The following ARHGAP6 variants were observed in gnomAD, a reference collection of about 807,000 sequenced individuals.
ARHGAP6 encodes rho GTPase-activating protein 6.
Under a neutral mutation model 55.7 loss-of-function variants are expected in ARHGAP6, and 16 were observed. The observed-to-expected ratio is 0.29, with a 90% confidence interval of 0.19 to 0.44. The LOEUF (loss-of-function observed/expected upper bound fraction) is 0.44. Ranked by LOEUF, ARHGAP6 falls within the 20% of genes least tolerant of loss-of-function variation. The pLI, the probability that ARHGAP6 is intolerant of heterozygous loss-of-function variation, is 1.00. For missense variants in ARHGAP6, 698 were observed against 808.9 expected (o/e 0.86, Z 1.66); for synonymous variants, 382 against 360.9 (o/e 1.06, Z -0.66).
At position 11,618,725 on chromosome X, in the gene ARHGAP6, GTAGA is replaced by G. The variant is rs755718220; in HGVS notation, c.588+45512_588+45515del. Among the ~76,000 whole-genome samples, 16 of 112,403 alleles carry G rather than the reference GTAGA, an allele frequency of 1.4e-4. No homozygotes were observed. In the East Asian group the frequency reaches 4.2e-3, roughly 29 times the overall value. On this transcript the variant is annotated intron_variant, in intron 1 of 12. Transcript: ENST00000337414. ...GCTTCATACACAATACCATTTTCCT[GTAGA>G]TAAACAAATGGATAGTCATTACCCA...
chrX:11,536,215 T>G (rs1172975172), intron 1 of ARHGAP6, among the ~76,000 whole-genome samples: 7 of 111,505 alleles, frequency 6.3e-5, no homozygotes, highest in Non-Finnish European at 1.1e-4. Flanking sequence ...GCTTCACACA[T>G]AAGCAGCTCT....
intron 1 of ARHGAP6, among the ~76,000 whole-genome samples, chrX:11,413,373 A>G (rs1358196411): frequency 9.0e-6 from 1 of 111,311 alleles, no homozygotes; most frequent in East Asian, 2.8e-4. Flanking sequence ...AGCTGTTAAG[A>G]CGTCTTCATT....
intron 1 of ARHGAP6, among the ~76,000 whole-genome samples, chrX:11,568,756 CAAAAAAAAAA>C (rs779282032): frequency 1.8e-5 from 1 of 54,578 alleles, no homozygotes; most frequent in Admixed American, 2.0e-4. Flanking sequence ...GATACTATCT[CAAAAAAAAAA>C]AAAAAAAAGT....
intron 1 of ARHGAP6, among the ~76,000 whole-genome samples, chrX:11,441,629 C>G (rs2050039868): frequency 8.9e-6 from 1 of 111,861 alleles, no homozygotes; most frequent in African/African-American, 3.3e-5. Flanking sequence ...CCTTGGGAAG[C>G]AGCGGTAACC....
chrX:11,277,157 C>A (rs990714611), intron 1 of ARHGAP6, among the ~76,000 whole-genome samples: 1 of 111,502 alleles, frequency 9.0e-6, no homozygotes, highest in Non-Finnish European at 1.9e-5. Context: ...TGTCTGGTTT[C>A]TTTCACTTAG....
chrX:11,281,411 A>AAT (rs1385328306), intron 1 of ARHGAP6, among the ~76,000 whole-genome samples: 3 of 109,366 alleles, frequency 2.7e-5, no homozygotes, highest in Admixed American at 9.8e-5. Context: ...AATCTACCAA[A>AAT]ATATATATAT....
At chrX:11,497,554 C>T (rs868859616) in intron 1 of ARHGAP6, among the ~76,000 whole-genome samples, 1 of 23,816 alleles carries the variant, frequency 4.2e-5, no homozygotes, top group Non-Finnish European at 8.3e-5. Context: ...CTTCCCCCTC[C>T]CTCCTTCTCT....
rs931428725 is a variant in ARHGAP6 at position 11,662,248 on chromosome X, G to T, written c.588+1993C>A. On this transcript the variant is annotated intron_variant, in intron 1 of 12. Coordinates refer to ENST00000337414, the MANE Select transcript of ARHGAP6 (RefSeq NM_013427.3). ...TTTCTTGGTTTTTCAGAGGGTTCCA[G>T]GGCGTTAAACCTTTGAAAGGTAATC... Among the ~76,000 whole-genome samples the T allele has an allele frequency of 5.4e-5, 6 of 111,909 alleles. No homozygotes were observed. The East Asian group carries it at 1.7e-3, about 31-fold the overall frequency.
chrX:11,442,260 A>G (rs780600056), intron 1 of ARHGAP6, among the ~76,000 whole-genome samples: 3 of 110,808 alleles, frequency 2.7e-5, no homozygotes, highest in Non-Finnish European at 5.7e-5. Context: ...TGTCAGCCAA[A>G]AAATATGGGT....
Position 11,485,039 on chromosome X carries a change from A to AC in ARHGAP6, c.588+179201_588+179202insG, listed in dbSNP as rs201153729. 2.2e-3 allele frequency among the ~76,000 whole-genome samples: 241 copies of AC among 110,325 alleles called. 1 individual carries two copies. The highest frequency in any genetic ancestry group is 7.5e-3 in the African/African-American group (229 of 30,410). On this transcript the variant is annotated intron_variant, in intron 1 of 12. Coordinates refer to ENST00000337414, the MANE Select transcript of ARHGAP6 (RefSeq NM_013427.3). ...GGAAAACAAACAAACAACAACAACA[A>AC]AAAAAAAACATATCACTCAGGTGTC...
intron 1 of ARHGAP6, among the ~76,000 whole-genome samples, chrX:11,526,975 G>A (rs1272461174): frequency 9.2e-6 from 1 of 108,184 alleles, no homozygotes; most frequent in East Asian, 2.9e-4. Flanking sequence ...AACACTAAAG[G>A]AGAATTAGTC....
At chrX:11,497,432 G>T (rs751466752) in intron 1 of ARHGAP6, among the ~76,000 whole-genome samples, 1 of 110,683 alleles carries the variant, frequency 9.0e-6, no homozygotes. Context: ...TGAAGGCAAG[G>T]TCTTTGGAAG....
At chrX:11,473,733 A>G (rs1049571891) in intron 1 of ARHGAP6, among the ~76,000 whole-genome samples, 4 of 111,825 alleles carry the variant, frequency 3.6e-5, no homozygotes, top group Non-Finnish European at 5.6e-5. Context: ...TAAAACACCC[A>G]GTTTGTAGTC....
At chrX:11,439,503 T>C (rs1019718518) in intron 1 of ARHGAP6, among the ~76,000 whole-genome samples, 3 of 112,372 alleles carry the variant, frequency 2.7e-5, no homozygotes, top group African/African-American at 9.7e-5. Context: ...CCACCCCTGA[T>C]TTAGAAAACT....
intron 1 of ARHGAP6, among the ~76,000 whole-genome samples, chrX:11,336,898 T>C (rs2048644541): frequency 8.9e-6 from 1 of 111,769 alleles, no homozygotes; most frequent in African/African-American, 3.3e-5. Context: ...ACATTTCCTA[T>C]ATACGTGTCC....
At chrX:11,453,311 A>G (rs1439923794) in intron 1 of ARHGAP6, among the ~76,000 whole-genome samples, 1 of 98,458 alleles carries the variant, frequency 1.0e-5, no homozygotes, top group African/African-American at 3.7e-5. Context: ...TATATATAGT[A>G]TATATATAGC....
At chrX:11,635,190 A>G (rs1161356166) in intron 1 of ARHGAP6, among the ~76,000 whole-genome samples, 3 of 112,162 alleles carry the variant, frequency 2.7e-5, no homozygotes, top group Non-Finnish European at 5.6e-5. Flanking sequence ...CAAAGTTGTC[A>G]TCTCTTATTG....
intron 1 of ARHGAP6, among the ~76,000 whole-genome samples, chrX:11,570,835 A>C (rs775128119): frequency 6.3e-4 from 70 of 111,935 alleles, no homozygotes; most frequent in South Asian, 1.5e-3. Context: ...TTTATGATGA[A>C]AGTTAATCCC....
At position 11,162,178 on chromosome X, in the gene ARHGAP6, A is replaced by T. The variant is rs950064120; in HGVS notation, c.1810-5552T>A. 7.2e-5 allele frequency among the ~76,000 whole-genome samples: 8 copies of T among 110,884 alleles called. No homozygotes were observed. The East Asian group carries it at 2.2e-3, about 31-fold the overall frequency. Reference sequence around the variant, plus strand: ...GCTTCTGGAAAAGGTTATCTTCCCTATTGAAAATGGGTACATGAAAAGAAA... The same window carrying T: ...GCTTCTGGAAAAGGTTATCTTCCCTTTTGAAAATGGGTACATGAAAAGAAA... On this transcript the variant is annotated intron_variant, in intron 9 of 12. Transcript: ENST00000337414.
Sources: gnomAD v4.1 joint callset for allele counts (sites outside exome capture counted in the v4.1 genomes callset) on GRCh38, gnomAD v4.1.1 for gene constraint, MANE v1.5 for transcripts, NCBI Gene and HGNC (gene_info 2026-07-23, HGNC 2026-07-21) for gene names.